PHC1: variants seen among roughly 807,000 people sequenced by gnomAD.
The protein encoded by PHC1 is polyhomeotic homolog 1.
In PHC1, 12 loss-of-function variants were observed where a neutral mutation model predicts 104.3. That is an observed-to-expected ratio of 0.12 (90% CI 0.07 to 0.19). The LOEUF (loss-of-function observed/expected upper bound fraction) is 0.19. PHC1 is among the 10% of genes least tolerant of loss of function. The pLI is 1.00. For missense variants in PHC1, 671 were observed against 1,200.0 expected (o/e 0.56, Z 6.51); for synonymous variants, 302 against 455.8 (o/e 0.66, Z 4.30).
chr12:8,937,824 T>A lies in PHC1; in HGVS notation c.2629-5T>A. ...ACCTCATTGGTTTGCTCTTTTCCCC[T>A]ATAGGGTCAAGAAGACTCTAGCCGG... On this transcript the variant is annotated splice_region_variant and splice_polypyrimidine_tract_variant and intron_variant, in intron 13 of 14. Transcript: ENST00000544916. 6.2e-7 allele frequency: 1 copy of A among 1,611,702 alleles called. No homozygotes were observed. Among genetic ancestry groups the A allele is most frequent in the Non-Finnish European group, 8.5e-7 (1 of 1,177,854 alleles).
At chr12:8,922,363 A>G (rs1945389560) in intron 5 of PHC1, among the ~76,000 whole-genome samples, 2 of 152,220 alleles carry the variant, frequency 1.3e-5, no homozygotes, top group South Asian at 4.1e-4. Context: ...CTTTCTATAT[A>G]TAAGTACTTG....
intron 14 of PHC1, among the ~76,000 whole-genome samples, chr12:8,938,309 T>C (rs2137140359): frequency 6.6e-6 from 1 of 152,234 alleles, no homozygotes; most frequent in East Asian, 1.9e-4. Flanking sequence ...ACTAAATTTT[T>C]GGATAAAATG....
upstream of PHC1, among the ~76,000 whole-genome samples, chr12:8,914,402 G>C (rs962167142): frequency 6.6e-6 from 1 of 151,152 alleles, no homozygotes; most frequent in East Asian, 1.9e-4. Flanking sequence ...GGCAGGAAAC[G>C]AGGGACGCGC....
chr12:8,931,287 G>A (rs1388968201), intron 7 of PHC1, among the ~76,000 whole-genome samples: 1 of 152,210 alleles, frequency 6.6e-6, no homozygotes, highest in Non-Finnish European at 1.5e-5. Flanking sequence ...TTGAAAAGTA[G>A]ATTCCCTGTC....
intron 14 of PHC1, 54 bp from the exon 15 acceptor site, chr12:8,939,251 C>G (rs1245779058): frequency 6.2e-7 from 1 of 1,603,860 alleles, no homozygotes; most frequent in Non-Finnish European, 8.5e-7. Flanking sequence ...TTTCATTTAG[C>G]TTCCCTTCTC....
intron 13 of PHC1, 124 bp downstream of exon 13, chr12:8,937,450 T>C (rs1945871730): frequency 1.1e-6 from 1 of 887,430 alleles, no homozygotes; most frequent in Non-Finnish European, 1.7e-6. Flanking sequence ...ATTGATTGCA[T>C]TACTACAAAT....
At chr12:8,933,420 AG>A in intron 8 of PHC1, 70 bp downstream of exon 8, 12 of 1,445,312 alleles carry the variant, frequency 8.3e-6, no homozygotes, top group Non-Finnish European at 1.0e-5. Context: ...GTGGAAATAG[AG>A]CTTAATTGAA....
At position 8,933,219 on chromosome 12, in the gene PHC1, A is replaced by T. The variant is rs943064824; in HGVS notation, c.1762A>T (p.Thr588Ser). 1.3e-6 allele frequency: 2 copies of T among 1,488,638 alleles called. No individual in the cohort carries two copies. Among genetic ancestry groups the T allele is most frequent in the Non-Finnish European group, 1.8e-6 (2 of 1,107,568 alleles). The allele number at this position is 1,488,638 out of a possible 1,614,324, so 92.2% of individuals were successfully genotyped here. A position where few individuals can be genotyped will look rare whatever the true frequency, so the allele number is the denominator to read the frequency against. Residue 588 changes from threonine to serine, a missense_variant, in exon 8 of 15, where the codon ACA becomes TCA. By Grantham distance (58) the Thr-to-Ser change is moderately conservative. Coordinates refer to ENST00000544916, the MANE Select transcript of PHC1 (RefSeq NM_004426.3). The stretch of plus-strand genomic sequence containing the variant: ...TGGTGCACTGCAGGAGTGCCCTCCC[A>T]CATTGGCCCCTGGGATGACCCTTGC... ...APGALQECPP[T>S]LAPGMTLAPV... is the part of the protein sequence containing the mutation.
In PHC1 at chr12:8,938,448, T is replaced by C. The variant is rs775775653; in HGVS notation, c.2860+388T>C. Among the ~76,000 whole-genome samples, 14 of 151,110 alleles carry C rather than the reference T, an allele frequency of 9.3e-5. No individual in the cohort carries two copies. In the East Asian group the frequency reaches 1.9e-3, roughly 21 times the overall value. On this transcript the variant is annotated intron_variant, in intron 14 of 14. Coordinates refer to ENST00000544916, the MANE Select transcript of PHC1 (RefSeq NM_004426.3). Reference sequence around the variant, plus strand: ...AGAGGGCTTGTTTGCTAGTCTTCTTTTTTTTTTTTTTTAAACAGAGACAGG... The same window carrying C: ...AGAGGGCTTGTTTGCTAGTCTTCTTCTTTTTTTTTTTTAAACAGAGACAGG...
At chr12:8,920,055 CT>C in intron 3 of PHC1, 189 bp downstream of exon 3, 2 of 850,142 alleles carry the variant, frequency 2.4e-6, no homozygotes, top group Non-Finnish European at 3.6e-6. Flanking sequence ...CGTAAAATCA[CT>C]TTTTAGGTAT....
At chr12:8,915,741 C>T (rs1945183166) in intron 1 of PHC1, 6 of 152,156 alleles carry the variant, frequency 3.9e-5, no homozygotes, top group Admixed American at 3.9e-4. Context: ...CAAATGAATA[C>T]ATTTATGTGC....
chr12:8,922,440 A>G (rs925665492), intron 5 of PHC1, among the ~76,000 whole-genome samples, 193 bp from the exon 6 acceptor site: 2 of 152,134 alleles, frequency 1.3e-5, no homozygotes, highest in Non-Finnish European at 1.5e-5. Context: ...GTAGTTTTCT[A>G]TGCATTCTAG....
intron 11 of PHC1, among the ~76,000 whole-genome samples, chr12:8,936,368 TGAGA>T (rs1360040075): frequency 6.6e-5 from 10 of 152,036 alleles, no homozygotes; most frequent in African/African-American, 2.4e-4. Context: ...GGTGACAGAG[TGAGA>T]CTGTCTCAAA....
intron 7 of PHC1, among the ~76,000 whole-genome samples, chr12:8,931,563 A>C (rs149380212): frequency 2.0e-5 from 3 of 152,126 alleles, no homozygotes; most frequent in Non-Finnish European, 2.9e-5. Flanking sequence ...AGCCGGGCGT[A>C]GTGGTTTACA....
At chr12:8,938,597 CAA>C (rs59771075) in intron 14 of PHC1, among the ~76,000 whole-genome samples, 56,079 of 151,536 alleles carry the variant, frequency 0.37, 11,380 homozygotes, top group Middle Eastern at 0.47. Flanking sequence ...GCAATTTTGA[CAA>C]AGAGTTTTTT....
Position 8,934,261 on chromosome 12 carries a change from T to C in PHC1, c.2042-6T>C. 6.2e-7 allele frequency: 1 copy of C among 1,610,210 alleles called. No homozygotes were observed. On this transcript the variant is annotated splice_polypyrimidine_tract_variant and splice_region_variant and intron_variant, in intron 9 of 14. Coordinates refer to ENST00000544916, the MANE Select transcript of PHC1 (RefSeq NM_004426.3). ...GTCTGTTGCTTAATCTGTGTTTGTT[T>C]TCCAGAAAAAGCTGAATCAGTGGCT...
At position 8,928,364 on chromosome 12, in the gene PHC1, A is replaced by G. The variant is rs749713025; in HGVS notation, c.613-2071A>G. On this transcript the variant is annotated intron_variant, in intron 6 of 14. Coordinates refer to ENST00000544916, the MANE Select transcript of PHC1 (RefSeq NM_004426.3). ...TTTAATCGTACTTCTGGTACACAGA[A>G]TTTGATAAAATTGTAATCCTTGGAT... Among the ~76,000 whole-genome samples the G allele has an allele frequency of 5.3e-5, 8 of 152,274 alleles. No individual in the cohort carries two copies. The South Asian group carries it at 1.5e-3, about 28-fold the overall frequency.
At chr12:8,921,510 C>T (rs1945362392) in intron 4 of PHC1, 91 bp from the exon 5 acceptor site, 14 of 1,157,306 alleles carry the variant, frequency 1.2e-5, no homozygotes, top group Non-Finnish European at 1.8e-5. Flanking sequence ...ATACTCTGTT[C>T]TTGACTGTGT....
intron 6 of PHC1, among the ~76,000 whole-genome samples, chr12:8,930,107 A>C (rs1184695955): frequency 6.6e-6 from 1 of 152,232 alleles, no homozygotes; most frequent in Admixed American, 6.5e-5. Flanking sequence ...TCCAGTATCC[A>C]GTGTAGTACC....
Sources: allele counts gnomAD v4.1 joint callset (sites outside exome capture counted in the v4.1 genomes callset), GRCh38; gene constraint gnomAD v4.1.1; transcripts MANE v1.5; gene names NCBI Gene and HGNC (gene_info 2026-07-23, HGNC 2026-07-21).